The following OPCML variants were observed in gnomAD, a reference collection of about 807,000 sequenced individuals.
OPCML encodes opioid binding protein/cell adhesion molecule like.
OPCML carries 13 observed loss-of-function variants against 37.8 expected under a neutral mutation model. The ratio of observed to expected loss-of-function variants is 0.34; its 90% CI spans 0.22 to 0.55. The LOEUF is 0.55. OPCML is among the 20% of genes least tolerant of loss of function. The pLI is 0.91. For synonymous variants in OPCML, 176 were observed against 168.8 expected (o/e 1.04, Z -0.33); for missense variants, 341 against 435.6 (o/e 0.78, Z 1.93).
intron 3 of OPCML, among the ~76,000 whole-genome samples, chr11:132,644,294 C>G (rs944142167): frequency 6.6e-6 from 1 of 152,118 alleles, no homozygotes; most frequent in Non-Finnish European, 1.5e-5. Flanking sequence ...ATTTCTACAG[C>G]TCTGTTAATC....
chr11:132,833,403 C>T (rs1278848925), intron 2 of OPCML, among the ~76,000 whole-genome samples: 3 of 152,160 alleles, frequency 2.0e-5, no homozygotes, highest in African/African-American at 7.2e-5. Context: ...GCTTCAGGGG[C>T]AATAACACGC....
chr11:132,485,875 C>G (rs1052718144), intron 4 of OPCML, among the ~76,000 whole-genome samples: 1 of 152,152 alleles, frequency 6.6e-6, no homozygotes, highest in African/African-American at 2.4e-5. Context: ...TTTTTGTGGA[C>G]AGATCCACTC....
At chr11:132,634,629 G>A (rs537710439) in intron 3 of OPCML, among the ~76,000 whole-genome samples, 11 of 152,090 alleles carry the variant, frequency 7.2e-5, no homozygotes, top group African/African-American at 1.7e-4. Context: ...GGGTGTCCTC[G>A]CAGGAAGAGA....
At chr11:133,134,709 A>C (rs1949658140) in intron 1 of OPCML, among the ~76,000 whole-genome samples, 1 of 152,174 alleles carries the variant, frequency 6.6e-6, no homozygotes, top group Non-Finnish European at 1.5e-5. Context: ...AAAGGAGCCC[A>C]GCCCACATCA....
At chr11:132,632,572 C>G (rs1381711887) in intron 3 of OPCML, among the ~76,000 whole-genome samples, 1 of 152,116 alleles carries the variant, frequency 6.6e-6, no homozygotes, top group African/African-American at 2.4e-5. Context: ...ATCCTATCTC[C>G]ACGCAACACA....
At chr11:133,223,463 C>G (rs1455471831) in intron 1 of OPCML, among the ~76,000 whole-genome samples, 2 of 152,096 alleles carry the variant, frequency 1.3e-5, no homozygotes, top group Admixed American at 1.3e-4. Flanking sequence ...TAATCCTTTC[C>G]TCTGCCATTC....
intron 1 of OPCML, among the ~76,000 whole-genome samples, chr11:133,456,997 G>A (rs936559502): frequency 5.9e-5 from 9 of 152,030 alleles, no homozygotes; most frequent in African/African-American, 1.7e-4. Flanking sequence ...AGATAAATAC[G>A]GACACGCAAA....
chr11:133,398,616 A>C (rs1181595133), intron 1 of OPCML, among the ~76,000 whole-genome samples: 1 of 152,194 alleles, frequency 6.6e-6, no homozygotes, highest in African/African-American at 2.4e-5. Context: ...TTTTTAAAAA[A>C]AAAAATCTAA....
intron 7 of OPCML, 90 bp from the exon 8 acceptor site, chr11:132,420,383 C>A: frequency 6.6e-7 from 1 of 1,521,740 alleles, no homozygotes; most frequent in Non-Finnish European, 8.8e-7. Context: ...TACATGCTTC[C>A]CACCTTCCAC....
chr11:133,512,308 C>T (rs893206530), intron 1 of OPCML, among the ~76,000 whole-genome samples: 10 of 152,192 alleles, frequency 6.6e-5, no homozygotes, highest in Non-Finnish European at 1.5e-4. Context: ...CAGGGAAACA[C>T]TTTGCTTACA....
chr11:133,532,465 AGCGC>A lies in OPCML; in HGVS notation c.-145_-142del. On this transcript the variant is annotated 5_prime_UTR_variant, in exon 1 of 8. Coordinates refer to ENST00000524381, the MANE Select transcript of OPCML (RefSeq NM_001012393.5). ...GAGGGAGAGAGCAGAAGAGAGAGAG[AGCGC>A]GCGAGAGATGGGAGCAGGCAGGCAG... 2.1e-6 allele frequency: 2 copies of A among 975,496 alleles called. No homozygotes were observed. Among genetic ancestry groups the A allele is most frequent in the Non-Finnish European group, 3.1e-6 (2 of 640,254 alleles). 60.4% of individuals were successfully genotyped at this position (975,496 alleles called of 1,614,324 possible). A position where few individuals can be genotyped will look rare whatever the true frequency, so the allele number is the denominator to read the frequency against.
chr11:133,400,730 T>A (rs1945385356), intron 1 of OPCML, among the ~76,000 whole-genome samples: 1 of 152,224 alleles, frequency 6.6e-6, no homozygotes, highest in South Asian at 2.1e-4. Context: ...TCCAATTCTC[T>A]GTTCAATGCT....
At chr11:133,194,083 G>A (rs952943401) in intron 1 of OPCML, among the ~76,000 whole-genome samples, 5 of 152,040 alleles carry the variant, frequency 3.3e-5, no homozygotes, top group African/African-American at 4.8e-5. Context: ...TTGCCTAGTT[G>A]AGGTTAGGGG....
intron 2 of OPCML, among the ~76,000 whole-genome samples, chr11:132,791,251 T>TG (rs1373890903): frequency 2.6e-5 from 4 of 152,320 alleles, no homozygotes; most frequent in Admixed American, 1.3e-4. Flanking sequence ...CCACTTCACC[T>TG]GAGTCTGATA....
chr11:133,030,153 A>G (rs1463070087), intron 1 of OPCML, among the ~76,000 whole-genome samples: 2 of 152,218 alleles, frequency 1.3e-5, no homozygotes, highest in Non-Finnish European at 2.9e-5. Context: ...TCCTGCAGTA[A>G]GTGAACTTTC....
At chr11:133,507,825 T>C (rs1334253463) in intron 1 of OPCML, among the ~76,000 whole-genome samples, 1 of 151,858 alleles carries the variant, frequency 6.6e-6, no homozygotes, top group Non-Finnish European at 1.5e-5. Context: ...CGGGCCCCTG[T>C]AATCCCAGCT....
At chr11:132,878,705 G>A (rs1224111479) in intron 2 of OPCML, among the ~76,000 whole-genome samples, 2 of 149,720 alleles carry the variant, frequency 1.3e-5, no homozygotes, top group Admixed American at 1.3e-4. Flanking sequence ...TATAGAGAGT[G>A]TCTATCTGTC....
At chr11:133,380,658 T>G (rs969451089) in intron 1 of OPCML, among the ~76,000 whole-genome samples, 2 of 152,304 alleles carry the variant, frequency 1.3e-5, no homozygotes, top group Middle Eastern at 3.4e-3. Context: ...TAAATATTTT[T>G]TAATCAAAAA....
At chr11:133,204,874 A>ATATATATATATATATATATGTGTG (rs1938972583) in intron 1 of OPCML, among the ~76,000 whole-genome samples, 2 of 18,950 alleles carry the variant, frequency 1.1e-4, no homozygotes, top group Admixed American at 5.6e-4. Context: ...ATGTGTATAT[A>ATATATATATATATATATATGTGTG]TATATATATA....
Sources: allele counts gnomAD v4.1 joint callset (sites outside exome capture counted in the v4.1 genomes callset), GRCh38; gene constraint gnomAD v4.1.1; transcripts MANE v1.5; gene names NCBI Gene and HGNC (gene_info 2026-07-23, HGNC 2026-07-21).